Variants in MALRD1 observed in about 807,000 individuals in gnomAD.
MALRD1 encodes the protein MAM and LDL receptor class A domain containing 1, also known as MAM and LDL-receptor class A domain-containing protein 1.
In MALRD1, 247 loss-of-function variants were observed where a neutral mutation model predicts 242.1. The observed-to-expected ratio is 1.02, with a 90% confidence interval of 0.92 to 1.13. MALRD1 has a LOEUF of 1.13. Ranked by LOEUF, MALRD1 falls within the 50% of genes most tolerant of loss-of-function variation. The pLI is 0.00. For missense variants in MALRD1, 2,989 were observed against 2,533.1 expected, an observed-to-expected ratio of 1.18 and a Z score of -3.86; for synonymous variants, 995 against 866.6, an observed-to-expected ratio of 1.15 and a Z score of -2.60.
intron 38 of MALRD1, among the ~76,000 whole-genome samples, chr10:19,719,680 A>G (rs1371010949): frequency 6.6e-6 from 1 of 152,130 alleles, no homozygotes; most frequent in East Asian, 1.9e-4. Context: ...TTGTGTTTGC[A>G]AATGCAGTTC....
Position 19,487,789 on chromosome 10 carries a change from C to T in MALRD1, c.5030-3728C>T, listed in dbSNP as rs928666334. Among the ~76,000 whole-genome samples, 26 of 152,240 alleles carry T rather than the reference C, an allele frequency of 1.7e-4. No homozygotes were observed. The South Asian group carries it at 5.2e-3, about 30-fold the overall frequency. ...TTTAAGTCTTTGTCTTGTTAATGCCCATAATTGGACCATTTGCTGTTGTCT... is the reference window on the plus strand; with the variant it reads ...TTTAAGTCTTTGTCTTGTTAATGCCTATAATTGGACCATTTGCTGTTGTCT... On this transcript the variant is annotated intron_variant, in intron 29 of 39. Transcript: ENST00000454679.
At chr10:19,487,132 G>A (rs1837268891) in intron 29 of MALRD1, among the ~76,000 whole-genome samples, 1 of 151,818 alleles carries the variant, frequency 6.6e-6, no homozygotes, top group Non-Finnish European at 1.5e-5. Flanking sequence ...CTTTTATTGT[G>A]AGCACCAATG....
chr10:19,722,114 T>G (rs1368292604), intron 38 of MALRD1: 1 of 152,214 alleles, frequency 6.6e-6, no homozygotes. Flanking sequence ...TGATTCTTAC[T>G]GTCTTCTAGG....
intron 23 of MALRD1, among the ~76,000 whole-genome samples, chr10:19,331,165 T>A (rs929162603): frequency 3.9e-5 from 6 of 152,174 alleles, no homozygotes; most frequent in African/African-American, 1.4e-4. Flanking sequence ...TCCCACATTC[T>A]TAGGTGTTGA....
At chr10:19,699,746 G>A (rs994173499) in intron 38 of MALRD1, among the ~76,000 whole-genome samples, 1 of 151,992 alleles carries the variant, frequency 6.6e-6, no homozygotes, top group Non-Finnish European at 1.5e-5. Context: ...GTCACATGGT[G>A]AAAACAGGAG....
intron 38 of MALRD1, among the ~76,000 whole-genome samples, chr10:19,719,193 T>TAC (rs1291546384): frequency 4.7e-5 from 3 of 64,304 alleles, no homozygotes; most frequent in African/African-American, 2.2e-4. Flanking sequence ...TATATATACA[T>TAC]ACATATATAT....
At chr10:19,411,898 A>G (rs914406634) in intron 28 of MALRD1, among the ~76,000 whole-genome samples, 3 of 152,356 alleles carry the variant, frequency 2.0e-5, no homozygotes, top group Non-Finnish European at 4.4e-5. Context: ...GTAAGCTGTT[A>G]AAAAATTAAA....
chr10:19,730,447 T>G (rs1040922336), intron 38 of MALRD1: 2 of 493,894 alleles, frequency 4.0e-6, no homozygotes, highest in East Asian at 3.9e-5. Context: ...CTTTTGCAAT[T>G]TCTTTTATTT....
In MALRD1 at chr10:19,543,433, C is replaced by CTTTTTTTTTTTTTTT. The variant is rs71388849; in HGVS notation, c.5478+12086_5478+12100dup. On this transcript the variant is annotated intron_variant, in intron 32 of 39. Transcript: ENST00000454679. ...TGTAAAAATCATGCCCAGCTGATTT[C>CTTTTTTTTTTTTTTT]TTTTTTTTTTTTTTTTTTGAGAGAG... 6.7e-4 allele frequency among the ~76,000 whole-genome samples: 71 copies of CTTTTTTTTTTTTTTT among 106,414 alleles called. 5 individuals carry two copies. The highest frequency in any genetic ancestry group is 7.5e-4 in the African/African-American group (22 of 29,332). 69.8% of individuals were successfully genotyped at this position (106,414 alleles called of 152,430 possible). A position where few individuals can be genotyped will look rare whatever the true frequency, so the allele number is the denominator to read the frequency against.
chr10:19,492,019 A>G (rs1184245403), intron 30 of MALRD1, among the ~76,000 whole-genome samples: 3 of 151,356 alleles, frequency 2.0e-5, no homozygotes, highest in Non-Finnish European at 4.4e-5. Flanking sequence ...TTTCCAAAAA[A>G]TTGTTGATTT....
intron 2 of MALRD1, among the ~76,000 whole-genome samples, chr10:19,074,174 T>C (rs921498043): frequency 2.6e-5 from 4 of 152,146 alleles, no homozygotes; most frequent in Non-Finnish European, 5.9e-5. Flanking sequence ...CCTTGCCTTC[T>C]TTTTCTTCCT....
chr10:19,614,475 A>G (rs1388142519), intron 35 of MALRD1, among the ~76,000 whole-genome samples: 1 of 152,074 alleles, frequency 6.6e-6, no homozygotes, highest in African/African-American at 2.4e-5. Flanking sequence ...AAGGTGTTGA[A>G]TTATACCCCA....
chr10:19,212,477 GTT>G (rs1337246075), intron 18 of MALRD1, among the ~76,000 whole-genome samples: 1 of 152,118 alleles, frequency 6.6e-6, no homozygotes, highest in African/African-American at 2.4e-5. Flanking sequence ...GATAAAGCAA[GTT>G]AATTCATTAA....
chr10:19,511,718 A>T (rs918203850), intron 31 of MALRD1, among the ~76,000 whole-genome samples: 1 of 152,242 alleles, frequency 6.6e-6, no homozygotes, highest in African/African-American at 2.4e-5. Flanking sequence ...AGGATCTCTA[A>T]GATCATGTAG....
chr10:19,060,719 AG>A (rs2131224754), intron 1 of MALRD1, among the ~76,000 whole-genome samples: 1 of 152,302 alleles, frequency 6.6e-6, no homozygotes, highest in African/African-American at 2.4e-5. Flanking sequence ...GGCAATGACC[AG>A]AGAGAGGTCA....
intron 32 of MALRD1, among the ~76,000 whole-genome samples, chr10:19,566,749 G>A (rs113645780): frequency 8.1e-4 from 122 of 151,402 alleles, no homozygotes; most frequent in African/African-American, 2.4e-3. Context: ...TATATATAAC[G>A]TTGGTATCTG....
In MALRD1 at chr10:19,452,173, A is replaced by G. The variant is rs191437683; in HGVS notation, c.5029+1683A>G. Reference sequence around the variant, plus strand: ...GATTTTAGAAAGAAAGCTTTATTCAATAAGAGAAATTCCTTTCCTCTCAAG... The same window carrying G: ...GATTTTAGAAAGAAAGCTTTATTCAGTAAGAGAAATTCCTTTCCTCTCAAG... On this transcript the variant is annotated intron_variant, in intron 29 of 39. Transcript: ENST00000454679. Among the ~76,000 whole-genome samples, 211 of 152,342 alleles carry G rather than the reference A, an allele frequency of 1.4e-3. 2 individuals carry two copies. The highest frequency in any genetic ancestry group is 4.9e-3 in the African/African-American group (203 of 41,592).
intron 28 of MALRD1, among the ~76,000 whole-genome samples, chr10:19,433,898 A>G (rs1351830764): frequency 6.6e-6 from 1 of 152,078 alleles, no homozygotes; most frequent in Non-Finnish European, 1.5e-5. Flanking sequence ...ACGCGCACAC[A>G]CACACAGGGA....
At chr10:19,120,654 A>G (rs553197897) in intron 5 of MALRD1, among the ~76,000 whole-genome samples, 59 of 152,304 alleles carry the variant, frequency 3.9e-4, no homozygotes, top group Non-Finnish European at 5.9e-4. Context: ...GAAGTGACTG[A>G]TGGGTACAGG....
Sources: allele counts gnomAD v4.1 joint callset (sites outside exome capture counted in the v4.1 genomes callset), GRCh38; gene constraint gnomAD v4.1.1; transcripts MANE v1.5; gene names NCBI Gene and HGNC (gene_info 2026-07-23, HGNC 2026-07-21).